The following GRM5 variants were observed in gnomAD, a reference collection of about 807,000 sequenced individuals.
The protein encoded by GRM5 is metabotropic glutamate receptor 5.
Under a neutral mutation model 83.1 loss-of-function variants are expected in GRM5, and 19 were observed. The ratio of observed to expected loss-of-function variants is 0.23; its 90% CI spans 0.16 to 0.34. The LOEUF (loss-of-function observed/expected upper bound fraction) is 0.34. Ranked by LOEUF, GRM5 falls within the 10% of genes least tolerant of loss-of-function variation. The probability of loss-of-function intolerance (pLI) is 1.00; values close to 1 mark genes in which losing one functional copy is unlikely to be tolerated. For synonymous variants in GRM5, 675 were observed against 633.6 expected, an observed-to-expected ratio of 1.07 and a Z score of -0.98; for missense variants, 1,160 against 1,588.3, an observed-to-expected ratio of 0.73 and a Z score of 4.58.
At chr11:88,509,542 G>A (rs1296040584) in intron 9 of GRM5, 38 bp from the exon 10 acceptor site, 3 of 1,525,846 alleles carry the variant, frequency 2.0e-6, no homozygotes, top group Non-Finnish European at 2.7e-6. Context: ...ACTCAGCGAG[G>A]TGCCCAGGGG....
intron 2 of GRM5, among the ~76,000 whole-genome samples, chr11:89,025,728 C>T (rs74492776): frequency 6.0e-4 from 91 of 152,216 alleles, no homozygotes; most frequent in African/African-American, 2.2e-3. Context: ...GAATACATTG[C>T]TGGTAGGGAT....
At chr11:88,686,327 C>T (rs1007625439) in intron 3 of GRM5, among the ~76,000 whole-genome samples, 3 of 152,102 alleles carry the variant, frequency 2.0e-5, no homozygotes, top group Non-Finnish European at 2.9e-5. Context: ...CTGTATTTAC[C>T]CAATACATGT....
intron 2 of GRM5, among the ~76,000 whole-genome samples, chr11:88,854,786 AT>A (rs1944444301): frequency 1.3e-5 from 2 of 151,896 alleles, no homozygotes; most frequent in African/African-American, 4.8e-5. Flanking sequence ...ATAAAATAAA[AT>A]TAAATTAAAT....
In GRM5 at chr11:88,507,839, A is replaced by G. The variant is rs1292592091; in HGVS notation, c.*753T>C. ...GGCAACATGGTGAAATAGTCAAGAA[A>G]TCTTCCACTGGTTTTCTTGGTTAAT... is the stretch of plus-strand genomic sequence containing the variant. On this transcript the variant is annotated 3_prime_UTR_variant, in exon 10 of 10. Transcript: ENST00000305447. 2 of 152,662 alleles carry G rather than the reference A, an allele frequency of 1.3e-5. No individual in the cohort carries two copies. The highest frequency in any genetic ancestry group is 4.8e-5 in the African/African-American group (2 of 41,468). 9.5% of individuals were successfully genotyped at this position (152,662 alleles called of 1,614,324 possible).
intron 3 of GRM5, among the ~76,000 whole-genome samples, chr11:88,786,547 G>A (rs1436890051): frequency 6.6e-6 from 1 of 152,088 alleles, no homozygotes; most frequent in African/African-American, 2.4e-5. Context: ...TGCGCAATGT[G>A]TGGAACATGT....
intron 2 of GRM5, among the ~76,000 whole-genome samples, chr11:89,028,870 G>A (rs1040323715): frequency 6.6e-6 from 1 of 152,070 alleles, no homozygotes; most frequent in African/African-American, 2.4e-5. Flanking sequence ...CACGTGCCAT[G>A]GTGGTTTGCT....
chr11:88,997,181 G>A (rs1041128238), intron 2 of GRM5, among the ~76,000 whole-genome samples: 1 of 151,844 alleles, frequency 6.6e-6, no homozygotes, highest in Non-Finnish European at 1.5e-5. Flanking sequence ...AAAAAAATTA[G>A]CTGGGCTTTG....
chr11:88,549,498 G>C (rs114478733), intron 8 of GRM5, among the ~76,000 whole-genome samples: 1 of 150,478 alleles, frequency 6.6e-6, no homozygotes, highest in Non-Finnish European at 1.5e-5. Context: ...ACCCCCCAGA[G>C]AACAAACAAC....
intron 3 of GRM5, among the ~76,000 whole-genome samples, chr11:88,733,807 G>A (rs983449866): frequency 1.6e-4 from 25 of 151,996 alleles, no homozygotes; most frequent in African/African-American, 5.8e-4. Flanking sequence ...GGAGTGCAAG[G>A]ACATTAATAA....
intron 2 of GRM5, among the ~76,000 whole-genome samples, chr11:88,999,392 CAAGA>C (rs1266653371): frequency 1.8e-4 from 27 of 152,044 alleles, no homozygotes; most frequent in Non-Finnish European, 3.4e-4. Flanking sequence ...AACAAATTTA[CAAGA>C]AAGAAACAAC....
intron 2 of GRM5, among the ~76,000 whole-genome samples, chr11:88,941,475 G>GGGAGGGGAGAGGAGGGGAGA (rs770257751): frequency 1.1e-5 from 1 of 93,704 alleles, no homozygotes; most frequent in East Asian, 3.9e-4. Flanking sequence ...AAGAGAAGAG[G>GGGAGGGGAGAGGAGGGGAGA]GGAGGGGAGA....
At chr11:88,812,278 C>T (rs1590876448) in intron 3 of GRM5, among the ~76,000 whole-genome samples, 1 of 123,810 alleles carries the variant, frequency 8.1e-6, no homozygotes, top group African/African-American at 3.9e-5. Context: ...TGAAGAGGCC[C>T]CCAAAAATTG....
At chr11:88,879,974 A>T (rs530910229) in intron 2 of GRM5, among the ~76,000 whole-genome samples, 1 of 152,266 alleles carries the variant, frequency 6.6e-6, no homozygotes, top group African/African-American at 2.4e-5. Flanking sequence ...TTTAATGAAT[A>T]AAATGAATAA....
intron 5 of GRM5, among the ~76,000 whole-genome samples, chr11:88,598,515 A>G (rs1234965592): frequency 6.6e-6 from 1 of 151,952 alleles, no homozygotes; most frequent in African/African-American, 2.4e-5. Flanking sequence ...TCCTGCAGTC[A>G]GTAACAATTT....
intron 2 of GRM5, among the ~76,000 whole-genome samples, chr11:88,908,278 A>C (rs1231586601): frequency 6.6e-6 from 1 of 152,142 alleles, no homozygotes; most frequent in Admixed American, 6.6e-5. Flanking sequence ...TTGCTCCTAA[A>C]AATCTATGAT....
intron 8 of GRM5, among the ~76,000 whole-genome samples, chr11:88,549,988 C>T (rs1040087386): frequency 1.3e-5 from 2 of 151,920 alleles, no homozygotes; most frequent in African/African-American, 4.8e-5. Context: ...AGTGAAAATG[C>T]AAAAGATAAG....
At chr11:88,701,097 A>G (rs907741492) in intron 3 of GRM5, among the ~76,000 whole-genome samples, 2 of 152,140 alleles carry the variant, frequency 1.3e-5, no homozygotes, top group Admixed American at 1.3e-4. Flanking sequence ...TGCTTCCAGC[A>G]AGGGACACAG....
intron 4 of GRM5, among the ~76,000 whole-genome samples, chr11:88,652,020 T>C (rs945885845): frequency 6.6e-6 from 1 of 152,042 alleles, no homozygotes; most frequent in Non-Finnish European, 1.5e-5. Flanking sequence ...GACAACCTCT[T>C]TGTGGACTAG....
intron 3 of GRM5, among the ~76,000 whole-genome samples, chr11:88,726,939 C>T (rs1941696840): frequency 6.6e-6 from 1 of 152,126 alleles, no homozygotes; most frequent in Admixed American, 6.5e-5. Flanking sequence ...AAAAACATGC[C>T]AAATTGTAAA....
Sources: allele counts gnomAD v4.1 joint callset (sites outside exome capture counted in the v4.1 genomes callset), GRCh38; gene constraint gnomAD v4.1.1; transcripts MANE v1.5; gene names NCBI Gene and HGNC (gene_info 2026-07-23, HGNC 2026-07-21).